Variants in ULBP1 observed in about 807,000 individuals in gnomAD.
ULBP1 encodes the protein UL16-binding protein 1.
In ULBP1, 28 loss-of-function variants were observed where a neutral mutation model predicts 25.3. The ratio of observed to expected loss-of-function variants is 1.10; its 90% CI spans 0.82 to 1.51. The LOEUF is 1.51. ULBP1 is among the 40% of genes most tolerant of loss of function. The probability of loss-of-function intolerance (pLI) is 0.00; values close to 1 mark genes in which losing one functional copy is unlikely to be tolerated. For missense variants in ULBP1, 348 were observed against 290.9 expected (o/e 1.20, Z -1.43); for synonymous variants, 129 against 103.0 (o/e 1.25, Z -1.53).
chr6:149,968,904 T>G, intron 2 of ULBP1, 34 bp downstream of exon 2: 1 of 1,597,830 alleles, frequency 6.3e-7, no homozygotes, highest in Non-Finnish European at 8.5e-7. Context: ...GCAGACACAG[T>G]AGTAACTTAG....
intron 4 of ULBP1, among the ~76,000 whole-genome samples, 198 bp from the exon 5 acceptor site, chr6:149,971,171 C>T (rs1169727001): frequency 1.3e-5 from 2 of 152,172 alleles, no homozygotes; most frequent in African/African-American, 4.8e-5. Flanking sequence ...GTAACAGGAC[C>T]TGGGCTGGCT....
chr6:149,970,366 C>T (rs1027440640), intron 4 of ULBP1, among the ~76,000 whole-genome samples: 6 of 152,208 alleles, frequency 3.9e-5, no homozygotes, highest in African/African-American at 1.4e-4. Flanking sequence ...GGGAGGGACC[C>T]ATACCAAGGC....
chr6:149,964,168 G>T, intron 1 of ULBP1, 34 bp downstream of exon 1: 1 of 1,612,668 alleles, frequency 6.2e-7, no homozygotes, highest in Non-Finnish European at 8.5e-7. Context: ...GCAGGGCGGG[G>T]GCCAAACCTG....
rs374382944 is a variant in ULBP1 at position 149,972,800 on chromosome 6, GAGT to G, written c.*1455_*1457del. 69 of 152,316 alleles carry G rather than the reference GAGT, an allele frequency of 4.5e-4. No homozygotes were observed. The highest frequency in any genetic ancestry group is 1.7e-3 in the African/African-American group (69 of 41,562). 9.4% of individuals were successfully genotyped at this position (152,316 alleles called of 1,614,324 possible). A position where few individuals can be genotyped will look rare whatever the true frequency, so the allele number is the denominator to read the frequency against. ...GATAAGTGCAAATCAAAACTGCAATGAGTTACCATCTCTTACCAGTCACAAAGT... is the reference window on the plus strand; with the variant it reads ...GATAAGTGCAAATCAAAACTGCAATGTACCATCTCTTACCAGTCACAAAGT... On this transcript the variant is annotated 3_prime_UTR_variant, in exon 5 of 5. Coordinates refer to ENST00000229708, the MANE Select transcript of ULBP1 (RefSeq NM_025218.4).
At position 149,973,537 on chromosome 6, in the gene ULBP1, G is replaced by A. The variant is rs903089419; in HGVS notation, c.*2191G>A. On this transcript the variant is annotated 3_prime_UTR_variant, in exon 5 of 5. Transcript: ENST00000229708. Reference sequence around the variant, plus strand: ...AAACAAATGGGTTTAACTGACCAGAGCGAGAGAACTCTGCACTATGAACCC... The same window carrying A: ...AAACAAATGGGTTTAACTGACCAGAACGAGAGAACTCTGCACTATGAACCC... 6 of 152,172 alleles carry A rather than the reference G, an allele frequency of 3.9e-5. No individual in the cohort carries two copies. Among genetic ancestry groups the A allele is most frequent in the African/African-American group, 1.2e-4 (5 of 41,436 alleles). The allele number at this position is 152,172 out of a possible 1,614,324, so 9.4% of individuals were successfully genotyped here. A position where few individuals can be genotyped will look rare whatever the true frequency, so the allele number is the denominator to read the frequency against.
Position 149,969,233 on chromosome 6 carries a change from G to C in ULBP1, c.498G>C (p.Lys166Asn), listed in dbSNP as rs149684924. Residue 166 changes from lysine to asparagine, a missense_variant, in exon 3 of 5, where the codon AAG (lysine) becomes AAC (asparagine). Lys to Asn is a moderately conservative substitution (Grantham distance 94, BLOSUM62 0). Coordinates refer to ENST00000229708, the MANE Select transcript of ULBP1 (RefSeq NM_025218.4). ...GGACAGCACTTCATCCTGGAGCCAA[G>C]AAGATGACAGAGAAGTGGGAGAAGA... ...RKWTALHPGA[K>N]KMTEKWEKNR... is the part of the protein sequence containing the mutation. The C allele has an allele frequency of 1.9e-6, 3 of 1,614,264 alleles. No individual in the cohort carries two copies. The highest frequency in any genetic ancestry group is 1.7e-5 in the Admixed American group (1 of 60,032).
chr6:149,970,230 G>T, intron 4 of ULBP1, 83 bp downstream of exon 4: 3 of 1,490,206 alleles, frequency 2.0e-6, no homozygotes, highest in Non-Finnish European at 2.7e-6. Flanking sequence ...CAGAGTCCCA[G>T]AGGCCGGGAA....
rs1015639465 is a variant in ULBP1, at chr6:149,971,441, C to T, written c.*95C>T. On this transcript the variant is annotated 3_prime_UTR_variant, in exon 5 of 5. Transcript: ENST00000229708. ...CTCTCCCTTCAGGGAGGCCGCCTGT[C>T]TACTCACCACTGTGCCTTTCTGGAA... 4.1e-6 allele frequency: 4 copies of T among 973,764 alleles called. No homozygotes were observed. The highest frequency in any genetic ancestry group is 4.9e-6 in the Non-Finnish European group (4 of 819,812). 60.3% of individuals were successfully genotyped at this position (973,764 alleles called of 1,614,324 possible).
chr6:149,970,498 A>G (rs1779295174), intron 4 of ULBP1, among the ~76,000 whole-genome samples: 1 of 152,206 alleles, frequency 6.6e-6, no homozygotes, highest in Non-Finnish European at 1.5e-5. Flanking sequence ...TCTGCACAGT[A>G]GGAGAGGAGT....
intron 4 of ULBP1, 101 bp downstream of exon 4, chr6:149,970,248 T>C: frequency 6.9e-7 from 1 of 1,456,772 alleles, no homozygotes. Context: ...GAACTTCTCA[T>C]CCTGACATTA....
At chr6:149,970,547 G>A (rs1779296343) in intron 4 of ULBP1, among the ~76,000 whole-genome samples, 2 of 152,338 alleles carry the variant, frequency 1.3e-5, no homozygotes, top group South Asian at 4.2e-4. Flanking sequence ...GGGAAGGGGT[G>A]TCCCTGGAGG....
intron 1 of ULBP1, among the ~76,000 whole-genome samples, chr6:149,968,046 C>A (rs1427190804): frequency 6.6e-6 from 1 of 152,206 alleles, no homozygotes; most frequent in East Asian, 1.9e-4. Context: ...GGGTTTTCAA[C>A]TTCTTGCCCT....
intron 1 of ULBP1, among the ~76,000 whole-genome samples, chr6:149,967,114 A>G (rs3860817): frequency 0.95 from 141,606 of 149,292 alleles, 67,236 homozygotes; most frequent in East Asian, 1. Context: ...TTCCCGGTAG[A>G]AATCCAGGAA....
chr6:149,969,803 A>G (rs1012232789), intron 3 of ULBP1, among the ~76,000 whole-genome samples: 1 of 151,814 alleles, frequency 6.6e-6, no homozygotes, highest in Admixed American at 6.6e-5. Flanking sequence ...CTGTGCTGTC[A>G]CCTCGCTTCC....
rs202026325 is a variant in ULBP1, at chr6:149,973,094, A to T, written c.*1748A>T. The T allele has an allele frequency of 3.3e-5, 5 of 152,252 alleles. No individual in the cohort carries two copies. The East Asian group carries it at 9.6e-4, about 29-fold the overall frequency. The allele number at this position is 152,252 out of a possible 1,614,324, so 9.4% of individuals were successfully genotyped here. ...ATCAATCTAAGTGCCCAACAACAGT[A>T]AATTCAATGAAAAAAAATGTGGTAC... On this transcript the variant is annotated 3_prime_UTR_variant, in exon 5 of 5. Transcript: ENST00000229708.
At chr6:149,969,045 C>T (rs535814229) in intron 2 of ULBP1, 40 bp from the exon 3 acceptor site, 52 of 1,601,734 alleles carry the variant, frequency 3.2e-5, no homozygotes, top group Non-Finnish European at 4.3e-5. Flanking sequence ...GGGGCTCAGG[C>T]TTTGTCAAGA....
intron 3 of ULBP1, among the ~76,000 whole-genome samples, 179 bp from the exon 4 acceptor site, chr6:149,969,837 G>C (rs766411576): frequency 2.0e-5 from 3 of 152,118 alleles, no homozygotes; most frequent in Non-Finnish European, 4.4e-5. Flanking sequence ...TGAGCTCCCT[G>C]AGGGCAGGGG....
chr6:149,967,362 G>C (rs1779221557), intron 1 of ULBP1, among the ~76,000 whole-genome samples: 1 of 152,192 alleles, frequency 6.6e-6, no homozygotes, highest in Admixed American at 6.5e-5. Context: ...TGGCTCTCTG[G>C]GGGAGGCTGA....
intron 1 of ULBP1, among the ~76,000 whole-genome samples, chr6:149,964,775 G>A (rs1243667675): frequency 7.2e-6 from 1 of 139,230 alleles, no homozygotes; most frequent in Non-Finnish European, 1.5e-5. Flanking sequence ...CGAACATCGC[G>A]TTCTACCCCA....
Sources: gnomAD v4.1 joint callset for allele counts (sites outside exome capture counted in the v4.1 genomes callset) on GRCh38, gnomAD v4.1.1 for gene constraint, MANE v1.5 for transcripts, NCBI Gene and HGNC (gene_info 2026-07-23, HGNC 2026-07-21) for gene names.